The following ARID4B variants were observed in gnomAD, a reference collection of about 807,000 sequenced individuals.
ARID4B encodes AT-rich interactive domain-containing protein 4B.
ARID4B carries 26 observed loss-of-function variants against 147.5 expected under a neutral mutation model. The observed-to-expected ratio is 0.18, with a 90% confidence interval of 0.13 to 0.24. ARID4B has a LOEUF of 0.24. Ranked by LOEUF, ARID4B falls within the 10% of genes least tolerant of loss-of-function variation. The pLI is 1.00. For synonymous variants in ARID4B, 512 were observed against 507.9 expected (o/e 1.01, Z -0.11); for missense variants, 1,179 against 1,511.5 (o/e 0.78, Z 3.65).
chr1:235,174,082 C>G (rs1418863901), intron 22 of ARID4B, among the ~76,000 whole-genome samples: 2 of 151,448 alleles, frequency 1.3e-5, no homozygotes, highest in Non-Finnish European at 2.9e-5. Context: ...CTCTGTCGCC[C>G]AGGCTGGAGT....
At chr1:235,266,754 C>T in intron 2 of ARID4B, among the ~76,000 whole-genome samples, 1 of 151,970 alleles carries the variant, frequency 6.6e-6, no homozygotes, top group East Asian at 1.9e-4. Flanking sequence ...ACATCAAATA[C>T]ATAAATTAAG....
chr1:235,181,930 T>C lies in ARID4B; in HGVS notation c.2989A>G (p.Ile997Val), dbSNP rs754558740. ...TTGACCTCTACTGTTTTTTCTTCAA[T>C]GGGTTTACTATCGACATTGACTGGA... The part of the protein sequence containing the change: ...PPPVNVDSKP[I>V]EEKTVEVNDR... Residue 997 changes from isoleucine to valine, a missense_variant, in exon 20 of 24, where the codon ATT (isoleucine) becomes GTT (valine). Around this residue, in one of 10 missense-constraint regions of ARID4B, gnomAD observed 357 missense variants for 427.3 expected, o/e 0.84. Coordinates refer to ENST00000264183, the MANE Select transcript of ARID4B (RefSeq NM_016374.6). 25 of 1,614,224 alleles carry C rather than the reference T, an allele frequency of 1.5e-5. No individual in the cohort carries two copies. Among genetic ancestry groups the C allele is most frequent in the South Asian group, 1.1e-5 (1 of 91,086 alleles).
chr1:235,211,255 C>T (rs1249973089), intron 17 of ARID4B, among the ~76,000 whole-genome samples: 4 of 152,110 alleles, frequency 2.6e-5, no homozygotes, highest in East Asian at 3.9e-4. Flanking sequence ...CGCTTGAACC[C>T]GGGAGGCGGA....
chr1:235,179,491 C>G (rs938135399), intron 20 of ARID4B, among the ~76,000 whole-genome samples: 2 of 134,914 alleles, frequency 1.5e-5, no homozygotes, highest in Non-Finnish European at 3.1e-5. Context: ...CCACTGCACT[C>G]CAGCCTGGGC....
chr1:235,182,898 G>A (rs975861524), intron 19 of ARID4B, 105 bp from the exon 20 acceptor site: 11 of 1,127,002 alleles, frequency 9.8e-6, no homozygotes, highest in South Asian at 3.9e-5. Context: ...ACAGCCACCC[G>A]AGGTTGCTGG....
chr1:235,222,050 T>C (rs72756068), intron 13 of ARID4B, among the ~76,000 whole-genome samples: 7 of 151,900 alleles, frequency 4.6e-5, no homozygotes, highest in Admixed American at 6.6e-5. Flanking sequence ...GCTGGGACTA[T>C]AGATGCACAC....
rs144184813 is a variant in ARID4B at position 235,320,286 on chromosome 1, C to G, written c.6+6628G>C. On this transcript the variant is annotated intron_variant, in intron 2 of 23. Transcript: ENST00000264183. ...CATCACTGCACTCCAGCCTAGGCAA[C>G]AGAGAGAGGCTCCGTCTCAAAAGAA... 2.9e-3 allele frequency among the ~76,000 whole-genome samples: 441 copies of G among 152,212 alleles called. 1 individual carries two copies. The highest frequency in any genetic ancestry group is 0.01 in the African/African-American group (424 of 41,524).
Position 235,175,219 on chromosome 1 carries a change from C to A in ARID4B, c.3629G>T (p.Arg1210Leu), listed in dbSNP as rs201386389. The change falls in exon 22 of 24, where the codon CGA becomes CTA. Residue 1210 changes from arginine to leucine, a missense_variant. By Grantham distance (102) the Arg-to-Leu change is moderately radical (BLOSUM62 -2). Around this residue, in one of 10 missense-constraint regions of ARID4B, gnomAD observed 357 missense variants for 427.3 expected, o/e 0.84. Coordinates refer to ENST00000264183, the MANE Select transcript of ARID4B (RefSeq NM_016374.6). ...ACTCCATTTGTAAACTTTGGGTAATCGATTACTGGGTTCCTTGAGATCAGG... is the reference window on the plus strand; with the variant it reads ...ACTCCATTTGTAAACTTTGGGTAATAGATTACTGGGTTCCTTGAGATCAGG... ...KDPDLKEPSN[R>L]LPKVYKWSFQ... 1 of 1,614,126 alleles carries A rather than the reference C, an allele frequency of 6.2e-7. No individual in the cohort carries two copies. The highest frequency in any genetic ancestry group is 1.7e-5 in the Admixed American group (1 of 60,022).
intron 2 of ARID4B, among the ~76,000 whole-genome samples, chr1:235,264,590 A>C (rs964791539): frequency 1.3e-5 from 2 of 152,252 alleles, no homozygotes; most frequent in Non-Finnish European, 2.9e-5. Context: ...TTCAGCTGCC[A>C]CATCAAAAAA....
At position 235,194,040 on chromosome 1, in the gene ARID4B, T is replaced by C; in HGVS notation, c.2098A>G (p.Ile700Val). The C allele has an allele frequency of 6.2e-7, 1 of 1,610,326 alleles. No individual in the cohort carries two copies. The highest frequency in any genetic ancestry group is 8.5e-7 in the Non-Finnish European group (1 of 1,176,868). ...SDTAHIKSIEITSILNGLQAS... is the reference protein window; with the variant it reads ...SDTAHIKSIEVTSILNGLQAS... The stretch of plus-strand genomic sequence containing the variant: ...TGAAGTCCATTAAGGATCGAAGTAA[T>C]TTCTATGGACTTAATATGAGCAGTA... Residue 700 changes from isoleucine to valine, a missense_variant, in exon 19 of 24, where the codon ATT (isoleucine) becomes GTT (valine). Ile to Val is a conservative substitution (Grantham distance 29, BLOSUM62 3). This residue lies in a region of ARID4B where 321 missense variants were observed against 342.4 expected (regional missense o/e 0.94). Coordinates refer to ENST00000264183, the MANE Select transcript of ARID4B (RefSeq NM_016374.6).
intron 2 of ARID4B, among the ~76,000 whole-genome samples, chr1:235,285,518 T>C (rs1436891790): frequency 6.6e-6 from 1 of 152,188 alleles, no homozygotes; most frequent in Non-Finnish European, 1.5e-5. Context: ...TACTTAACGG[T>C]GAAAGACTGA....
chr1:235,195,272 A>T (rs1665413197), intron 18 of ARID4B, among the ~76,000 whole-genome samples: 1 of 152,052 alleles, frequency 6.6e-6, no homozygotes, highest in Non-Finnish European at 1.5e-5. Flanking sequence ...CTCCTAAGTA[A>T]ATCCTCATGG....
At chr1:235,208,944 T>C (rs907184180) in intron 17 of ARID4B, among the ~76,000 whole-genome samples, 6 of 150,380 alleles carry the variant, frequency 4.0e-5, no homozygotes, top group East Asian at 1.9e-4. Flanking sequence ...GTAAGTAATA[T>C]AGTGCTAGAC....
At chr1:235,194,302 T>A in intron 18 of ARID4B, 91 bp from the exon 19 acceptor site, 1 of 946,676 alleles carries the variant, frequency 1.1e-6, no homozygotes, top group East Asian at 2.6e-5. Context: ...TATTACAGAA[T>A]ATGTTGTTAA....
chr1:235,236,833 A>AAAATATATAT (rs1175189621), intron 8 of ARID4B, among the ~76,000 whole-genome samples: 11 of 33,512 alleles, frequency 3.3e-4, no homozygotes, highest in African/African-American at 1.5e-3. Context: ...TTTTATAAAA[A>AAAATATATAT]ATATATATAT....
chr1:235,276,130 T>G (rs1467152189), intron 2 of ARID4B, among the ~76,000 whole-genome samples: 1 of 149,268 alleles, frequency 6.7e-6, no homozygotes, highest in Non-Finnish European at 1.5e-5. Flanking sequence ...AGACAGAGAC[T>G]TTCAAAAAAA....
intron 2 of ARID4B, among the ~76,000 whole-genome samples, chr1:235,277,583 A>T (rs1671403631): frequency 7.0e-6 from 1 of 143,506 alleles, no homozygotes; most frequent in Non-Finnish European, 1.5e-5. Context: ...GACCATTTTT[A>T]ATGCCTTATA....
Position 235,229,339 on chromosome 1 carries a change from A to T in ARID4B, c.789T>A (p.Ala263=). 1 of 1,613,834 alleles carries T rather than the reference A, an allele frequency of 6.2e-7. No homozygotes were observed. The highest frequency in any genetic ancestry group is 1.7e-5 in the Admixed American group (1 of 59,988). The change falls in exon 11 of 24, where the codon GCT becomes GCA. Residue 263 remains alanine (A), a synonymous_variant. Transcript: ENST00000264183. ...CTTCTTTCAATTCAGTCTTCCAGTT[A>T]GCAGGAATAGTTCTACTTTTGTGAA... ...LEFHKSRTIP[A]NWKTELKEDS...
intron 2 of ARID4B, among the ~76,000 whole-genome samples, chr1:235,325,235 A>G (rs1244053771): frequency 6.6e-6 from 1 of 152,144 alleles, no homozygotes; most frequent in African/African-American, 2.4e-5. Flanking sequence ...AATGCAGTAG[A>G]ATGTAATGCT....
Sources: gnomAD v4.1 joint callset for allele counts (sites outside exome capture counted in the v4.1 genomes callset) on GRCh38, gnomAD v4.1.1 for gene constraint, gnomAD v4.1.1 regional missense constraint, MANE v1.5 for transcripts, NCBI Gene and HGNC (gene_info 2026-07-23, HGNC 2026-07-21) for gene names.